SH3BP4: variants seen among roughly 807,000 people sequenced by gnomAD.
SH3BP4 encodes SH3 domain binding protein 4.
In SH3BP4, 33 loss-of-function variants were observed where a neutral mutation model predicts 65.5. The observed-to-expected ratio is 0.50, with a 90% CI of 0.38 to 0.67. The LOEUF (loss-of-function observed/expected upper bound fraction) is 0.67. Among genes scored for constraint, SH3BP4 ranks in the 30% least tolerant of loss-of-function variants. The pLI is 0.00. For synonymous variants in SH3BP4, 552 were observed against 545.5 expected (o/e 1.01, Z -0.17); for missense variants, 1,134 against 1,261.4 (o/e 0.90, Z 1.53).
chr2:235,005,791 A>C (rs1006543825), intron 2 of SH3BP4, among the ~76,000 whole-genome samples: 1 of 152,204 alleles, frequency 6.6e-6, no homozygotes, highest in African/African-American at 2.4e-5. Flanking sequence ...GGGCAGAACG[A>C]GAGGAGAGCC....
At chr2:235,029,439 T>C (rs1427681035) in intron 2 of SH3BP4, among the ~76,000 whole-genome samples, 1 of 152,068 alleles carries the variant, frequency 6.6e-6, no homozygotes, top group Non-Finnish European at 1.5e-5. Context: ...GTTAAAAGAA[T>C]GGGAATGCAG....
chr2:234,999,696 A>C (rs987910293), intron 2 of SH3BP4, among the ~76,000 whole-genome samples: 1 of 152,202 alleles, frequency 6.6e-6, no homozygotes, highest in African/African-American at 2.4e-5. Flanking sequence ...TCAAAGACTA[A>C]AAAGGAATCT....
intron 2 of SH3BP4, among the ~76,000 whole-genome samples, chr2:235,016,627 G>C (rs760912393): frequency 6.6e-6 from 1 of 152,078 alleles, no homozygotes; most frequent in African/African-American, 2.4e-5. Flanking sequence ...TCCTGCCTCA[G>C]CCTCCCAAGT....
chr2:235,027,381 C>T (rs759627885), intron 2 of SH3BP4, among the ~76,000 whole-genome samples: 3 of 138,624 alleles, frequency 2.2e-5, no homozygotes, highest in Non-Finnish European at 3.1e-5. Context: ...ACTATAGCAA[C>T]GGGGTCCAAA....
In SH3BP4 at chr2:235,033,710, AG is replaced by A. The variant is rs1047097313; in HGVS notation, c.-132-1157del. Among the ~76,000 whole-genome samples, 27 of 152,290 alleles carry A rather than the reference AG, an allele frequency of 1.8e-4. No homozygotes were observed. The highest frequency in any genetic ancestry group is 6.0e-4 in the African/African-American group (25 of 41,566). ...ACACGCCTTGCTCTGCTCACTGCAC[AG>A]GGGCTCTCCAAGCCATGCTCACTGC... On this transcript the variant is annotated intron_variant, in intron 2 of 5. Transcript: ENST00000392011. This position sits in a 1 kb window ranked among gnomAD's most constrained non-coding sequence, Gnocchi z 5.7.
At position 235,034,654 on chromosome 2, in the gene SH3BP4, G is replaced by A. The variant is rs1181235700; in HGVS notation, c.-132-217G>A. Among the ~76,000 whole-genome samples the A allele has an allele frequency of 1.3e-5, 2 of 152,204 alleles. No homozygotes were observed. The highest frequency in any genetic ancestry group is 2.9e-5 in the Non-Finnish European group (2 of 68,038). ...ACAGCCGGCCAGAAAACACTGCTTG[G>A]GCTGTGTGTGCCCAGTGTGCCAATG... On this transcript the variant is annotated intron_variant, in intron 2 of 5. Coordinates refer to ENST00000392011, the MANE Select transcript of SH3BP4 (RefSeq NM_014521.3). The surrounding 1 kb of genome is among the most constrained non-coding windows in gnomAD (Gnocchi z 6.2).
chr2:235,042,431 G>A lies in SH3BP4; in HGVS notation c.1662G>A (p.Glu554=), dbSNP rs1223651933. 2 of 1,614,160 alleles carry A rather than the reference G, an allele frequency of 1.2e-6. No homozygotes were observed. The highest frequency in any genetic ancestry group is 2.2e-5 in the South Asian group (2 of 91,076). ...NMTNYEVKAS[E]QAKVVRGFQL... ...CGAATTACGAGGTCAAAGCCAGCGA[G>A]CAGGCCAAAGTGGTGCGAGGATTCC... The change falls in exon 4 of 6, where the codon GAG becomes GAA. Residue 554 remains glutamate (E), a synonymous_variant. Transcript: ENST00000392011. This position sits in a 1 kb window ranked among gnomAD's most constrained non-coding sequence, Gnocchi z 7.3.
chr2:235,043,037 C>T lies in SH3BP4; in HGVS notation c.2268C>T (p.Ala756=). 19 of 1,610,980 alleles carry T rather than the reference C, an allele frequency of 1.2e-5. No individual in the cohort carries two copies. Among genetic ancestry groups the T allele is most frequent in the Non-Finnish European group, 1.6e-5 (19 of 1,177,784 alleles). Reference sequence around the variant, plus strand: ...GCAAATTCCTCACGTACATCTATGCCTCCGTGAGGACCCTGCTCATGGAGA... The same window carrying T: ...GCAAATTCCTCACGTACATCTATGCTTCCGTGAGGACCCTGCTCATGGAGA... ...RPCKFLTYIY[A]SVRTLLMENI... is the part of the protein sequence containing the mutation. The change falls in exon 4 of 6, where the codon GCC becomes GCT. Residue 756 remains alanine, a synonymous_variant. Transcript: ENST00000392011.
chr2:235,040,064 A>G (rs1217604335), intron 3 of SH3BP4, among the ~76,000 whole-genome samples: 1 of 152,006 alleles, frequency 6.6e-6, no homozygotes, highest in Admixed American at 6.6e-5. Context: ...ATGAAACCCC[A>G]TTTCTACTAA....
Position 235,038,282 on chromosome 2 carries a change from T to A in SH3BP4, c.119-2606T>A, listed in dbSNP as rs866281565. ...AATATATATTATATATAATATATAT[T>A]ATATATAATATATATATTATATATA... is the stretch of plus-strand genomic sequence containing the variant. On this transcript the variant is annotated intron_variant, in intron 3 of 5. Transcript: ENST00000392011. Among the ~76,000 whole-genome samples, 56 of 18,678 alleles carry A rather than the reference T, an allele frequency of 3.0e-3. 3 individuals carry two copies. In the African/African-American group the frequency reaches 0.036, roughly 12 times the overall value. 12.3% of individuals were successfully genotyped at this position (18,678 alleles called of 152,430 possible).
rs1019941601 is a variant in SH3BP4 at position 235,033,779 on chromosome 2, C to T, written c.-132-1092C>T. ...AGAGTGGGGATGGTCAGGGCTCCCACCCGGCTGCTGCAGAAACGTTGCAAA... is the reference window on the plus strand; with the variant it reads ...AGAGTGGGGATGGTCAGGGCTCCCATCCGGCTGCTGCAGAAACGTTGCAAA... On this transcript the variant is annotated intron_variant, in intron 2 of 5. Coordinates refer to ENST00000392011, the MANE Select transcript of SH3BP4 (RefSeq NM_014521.3). The surrounding 1 kb of genome is among the most constrained non-coding windows in gnomAD (Gnocchi z 5.7). 6.6e-6 allele frequency among the ~76,000 whole-genome samples: 1 copy of T among 152,180 alleles called. No individual in the cohort carries two copies. Among genetic ancestry groups the T allele is most frequent in the Admixed American group, 6.5e-5 (1 of 15,286 alleles).
intron 3 of SH3BP4, among the ~76,000 whole-genome samples, chr2:235,036,755 T>TAATAATAATAATAAC (rs1695398523): frequency 6.8e-6 from 1 of 147,582 alleles, no homozygotes; most frequent in South Asian, 2.1e-4. Flanking sequence ...ATAATAATAA[T>TAATAATAATAATAAC]AATGACAGTG....
rs536710843 is a variant in SH3BP4 at position 235,000,017 on chromosome 2, G to A, written c.-133+4641G>A. 3.3e-5 allele frequency among the ~76,000 whole-genome samples: 5 copies of A among 152,324 alleles called. No homozygotes were observed. The East Asian group carries it at 5.8e-4, about 18-fold the overall frequency. On this transcript the variant is annotated intron_variant, in intron 2 of 5. Coordinates refer to ENST00000392011, the MANE Select transcript of SH3BP4 (RefSeq NM_014521.3). ...TTGGGCCAGCTCAAGCTCTGGGTCCGCTGTGGATTGATTCACCTGTACCTG... is the reference window on the plus strand; with the variant it reads ...TTGGGCCAGCTCAAGCTCTGGGTCCACTGTGGATTGATTCACCTGTACCTG...
intron 1 of SH3BP4, among the ~76,000 whole-genome samples, chr2:234,980,411 A>G (rs185478130): frequency 6.6e-6 from 1 of 152,210 alleles, no homozygotes; most frequent in African/African-American, 2.4e-5. Flanking sequence ...ATTGTACTGT[A>G]GCACCTGTTT....
intron 1 of SH3BP4, among the ~76,000 whole-genome samples, chr2:234,969,758 G>A (rs1246530738): frequency 6.6e-6 from 1 of 152,204 alleles, no homozygotes; most frequent in African/African-American, 2.4e-5. Context: ...GGAAGCATGT[G>A]TGTACCCCAG....
intron 2 of SH3BP4, among the ~76,000 whole-genome samples, chr2:235,002,500 C>T (rs938171256): frequency 8.5e-5 from 13 of 152,216 alleles, no homozygotes; most frequent in South Asian, 4.1e-4. Context: ...CTGAAGCGGG[C>T]GGATCACTTG....
intron 1 of SH3BP4, among the ~76,000 whole-genome samples, chr2:234,970,063 ACACACT>A (rs1304591403): frequency 2.9e-5 from 4 of 136,498 alleles, no homozygotes; most frequent in African/African-American, 1.2e-4. Context: ...ACACTCATAC[ACACACT>A]CACACTGTCA....
rs1360810480 is a variant in SH3BP4 at position 235,052,497 on chromosome 2, C to T, written c.2479-65C>T. The T allele has an allele frequency of 1.5e-6, 2 of 1,327,610 alleles. No individual in the cohort carries two copies. Among genetic ancestry groups the T allele is most frequent in the East Asian group, 2.6e-5 (1 of 39,164 alleles). The allele number at this position is 1,327,610 out of a possible 1,614,324, so 82.2% of individuals were successfully genotyped here. ...CATTCCTGCGCCGTCTGCTGGAATTCTGCGGGGAGCAGAGCCTGCCCCACT... is the reference window on the plus strand; with the variant it reads ...CATTCCTGCGCCGTCTGCTGGAATTTTGCGGGGAGCAGAGCCTGCCCCACT... On this transcript the variant is annotated intron_variant, in intron 4 of 5. Transcript: ENST00000392011. This position sits in a 1 kb window ranked among gnomAD's most constrained non-coding sequence, Gnocchi z 5.0.
rs753991297 is a variant in SH3BP4, at chr2:235,043,002, C to T, written c.2233C>T (p.Leu745=). 5.6e-6 allele frequency: 9 copies of T among 1,610,176 alleles called. No homozygotes were observed. The Admixed American group carries it at 1.5e-4, about 27-fold the overall frequency. Residue 745 remains leucine, a synonymous_variant, in exon 4 of 6, where the codon CTG becomes TTG. Transcript: ENST00000392011. The part of the protein sequence containing the change: ...LSTSVLLEQI[L]RPCKFLTYIY... ...CACCTCGGTGCTGCTGGAGCAGATC[C>T]TGCGGCCCTGCAAATTCCTCACGTA...
Sources: gnomAD v4.1 joint callset for allele counts (sites outside exome capture counted in the v4.1 genomes callset) on GRCh38, gnomAD v4.1.1 for gene constraint, Gnocchi (gnomAD v3.1) non-coding constraint, MANE v1.5 for transcripts, NCBI Gene and HGNC (gene_info 2026-07-23, HGNC 2026-07-21) for gene names.